Variants in PTK2 observed in about 807,000 individuals in gnomAD.
PTK2 encodes focal adhesion kinase 1.
A neutral mutation model predicts 150.1 loss-of-function variants in PTK2; 45 were observed. The ratio of observed to expected loss-of-function variants is 0.30; its 90% CI spans 0.24 to 0.38. PTK2 has a LOEUF of 0.38. PTK2 is among the 10% of genes least tolerant of loss of function. The pLI, the probability that PTK2 is intolerant of heterozygous loss-of-function variation, is 1.00. For missense variants in PTK2, 919 were observed against 1,307.3 expected, an observed-to-expected ratio of 0.70 and a Z score of 4.58; for synonymous variants, 432 against 449.2, an observed-to-expected ratio of 0.96 and a Z score of 0.48.
intron 7 of PTK2, among the ~76,000 whole-genome samples, chr8:140,842,009 T>C (rs1249799502): frequency 6.6e-6 from 1 of 151,880 alleles, no homozygotes; most frequent in Non-Finnish European, 1.5e-5. Flanking sequence ...CTAATGTATA[T>C]TTTTATTTAG....
chr8:140,800,641 G>A (rs2100094499), intron 11 of PTK2, 65 bp from the exon 12 acceptor site: 2 of 1,245,018 alleles, frequency 1.6e-6, no homozygotes, highest in African/African-American at 1.5e-5. Flanking sequence ...GGACAGCTGT[G>A]CTATGACATC....
intron 26 of PTK2, among the ~76,000 whole-genome samples, chr8:140,699,000 C>G (rs2100028602): frequency 1.3e-5 from 2 of 149,314 alleles, no homozygotes; most frequent in South Asian, 4.2e-4. Context: ...AACTCCTGGC[C>G]TCAAGTGATC....
At chr8:140,837,194 T>C (rs528095284) in intron 7 of PTK2, among the ~76,000 whole-genome samples, 3 of 152,328 alleles carry the variant, frequency 2.0e-5, no homozygotes, top group South Asian at 2.1e-4. Context: ...TTGTTCCCTG[T>C]TGTGTGAGCC....
intron 27 of PTK2, among the ~76,000 whole-genome samples, chr8:140,683,349 A>G (rs1046959352): frequency 2.6e-5 from 4 of 152,160 alleles, no homozygotes; most frequent in African/African-American, 7.2e-5. Flanking sequence ...CTGAAATTGA[A>G]TCAGTAATAG....
At chr8:140,863,945 C>T (rs757234062) in intron 5 of PTK2, among the ~76,000 whole-genome samples, 7 of 152,026 alleles carry the variant, frequency 4.6e-5, no homozygotes, top group African/African-American at 9.7e-5. Flanking sequence ...TAATGCCTTA[C>T]GGGGTAAAAA....
chr8:140,788,142 A>T (rs77759402), intron 14 of PTK2, among the ~76,000 whole-genome samples: 2,551 of 152,290 alleles, frequency 0.017, 72 homozygotes, highest in African/African-American at 0.057. Flanking sequence ...GATTAAGCTT[A>T]TAAGGATGAT....
At chr8:140,927,425 G>C (rs961411239) in intron 1 of PTK2, 1 of 152,084 alleles carries the variant, frequency 6.6e-6, no homozygotes, top group Non-Finnish European at 1.5e-5. Flanking sequence ...CTGAAACAGA[G>C]AAAACCACTG....
intron 2 of PTK2, chr8:140,921,212 T>C: frequency 1.1e-6 from 1 of 890,370 alleles, no homozygotes. Flanking sequence ...CATGGCTCTG[T>C]GTTCCTAGAT....
chr8:140,963,638 T>A (rs553280121), intron 1 of PTK2, among the ~76,000 whole-genome samples: 1 of 152,226 alleles, frequency 6.6e-6, no homozygotes, highest in Non-Finnish European at 1.5e-5. Context: ...AAACAAATTA[T>A]GTCAACCGCT....
At chr8:140,818,150 A>C in intron 10 of PTK2, 127 bp downstream of exon 10, 1 of 818,194 alleles carries the variant, frequency 1.2e-6, no homozygotes, top group South Asian at 1.7e-5. Context: ...CACTCCACTG[A>C]ACAATAAATG....
At chr8:140,787,300 T>C (rs1219836602) in intron 14 of PTK2, among the ~76,000 whole-genome samples, 2 of 152,316 alleles carry the variant, frequency 1.3e-5, no homozygotes, top group East Asian at 3.9e-4. Flanking sequence ...ACAAATTATT[T>C]AGCCTCTCTG....
At chr8:140,728,510 T>C (rs1429108616) in intron 22 of PTK2, among the ~76,000 whole-genome samples, 2 of 152,178 alleles carry the variant, frequency 1.3e-5, no homozygotes, top group Admixed American at 6.5e-5. Flanking sequence ...GCAATGGACA[T>C]GGATTATTTA....
At chr8:140,771,709 C>T (rs1358313655) in intron 14 of PTK2, among the ~76,000 whole-genome samples, 1 of 151,756 alleles carries the variant, frequency 6.6e-6, no homozygotes, top group Non-Finnish European at 1.5e-5. Flanking sequence ...AATATATTAG[C>T]AACAGAAATG....
chr8:140,743,414 C>T (rs992036584), intron 19 of PTK2, 84 bp from the exon 23 acceptor site: 5 of 1,013,620 alleles, frequency 4.9e-6, no homozygotes, highest in Non-Finnish European at 7.4e-6. Context: ...TACCAATAGG[C>T]ACTTTGAAAG....
intron 26 of PTK2, among the ~76,000 whole-genome samples, chr8:140,700,331 C>G (rs2100029472): frequency 6.6e-6 from 1 of 151,882 alleles, no homozygotes; most frequent in African/African-American, 2.4e-5. Flanking sequence ...CAATGCCTGG[C>G]TAATTTTTTT....
intron 1 of PTK2, among the ~76,000 whole-genome samples, chr8:140,971,977 C>A (rs1378446229): frequency 6.6e-6 from 1 of 152,196 alleles, no homozygotes; most frequent in Non-Finnish European, 1.5e-5. Context: ...TAATAGAATT[C>A]TATAAATGCC....
rs538533790 is a variant in PTK2 at position 140,934,665 on chromosome 8, G to A, written c.-121-8916C>T. On this transcript the variant is annotated intron_variant, in intron 1 of 31. Coordinates refer to ENST00000522684, the Ensembl canonical transcript of PTK2. ...GCTCTAAGAGATCTAAACCACCCAT[G>A]AGAAATAACACCTCCCCAATGTTCC... 2.6e-5 allele frequency: 4 copies of A among 152,290 alleles called. No homozygotes were observed. In the East Asian group the frequency reaches 7.7e-4, roughly 29 times the overall value. The allele number at this position is 152,290 out of a possible 1,614,324, so 9.4% of individuals were successfully genotyped here. A position where few individuals can be genotyped will look rare whatever the true frequency, so the allele number is the denominator to read the frequency against.
intron 5 of PTK2, among the ~76,000 whole-genome samples, chr8:140,860,458 T>C (rs947350596): frequency 1.3e-5 from 2 of 152,174 alleles, no homozygotes; most frequent in African/African-American, 4.8e-5. Flanking sequence ...GGCCAATTCA[T>C]GCATTTTGAC....
At chr8:140,941,711 A>T (rs1319261258) in intron 1 of PTK2, among the ~76,000 whole-genome samples, 1 of 148,494 alleles carries the variant, frequency 6.7e-6, no homozygotes, top group African/African-American at 2.5e-5. Flanking sequence ...GAGCAACTCT[A>T]TTTTTTTTTT....
Sources: allele counts gnomAD v4.1 joint callset (sites outside exome capture counted in the v4.1 genomes callset), GRCh38; gene constraint gnomAD v4.1.1; transcripts MANE v1.5; gene names NCBI Gene and HGNC (gene_info 2026-07-23, HGNC 2026-07-21).